MTUS2: variants seen among roughly 807,000 people sequenced by gnomAD.
MTUS2 encodes microtubule associated scaffold protein 2.
MTUS2 carries 40 observed loss-of-function variants against 114.1 expected under a neutral mutation model. That is an observed-to-expected ratio of 0.35 (90% CI 0.27 to 0.46). The LOEUF (loss-of-function observed/expected upper bound fraction) is 0.46, where lower values mean the gene tolerates loss of function less well. Ranked by LOEUF, MTUS2 falls within the 20% of genes least tolerant of loss-of-function variation. The pLI, the probability that MTUS2 is intolerant of heterozygous loss-of-function variation, is 1.00. For missense variants in MTUS2, 1,679 were observed against 1,705.4 expected, an observed-to-expected ratio of 0.98 and a Z score of 0.27; for synonymous variants, 688 against 672.0, an observed-to-expected ratio of 1.02 and a Z score of -0.37.
chr13:29,376,851 G>A (rs946482657), intron 8 of MTUS2, among the ~76,000 whole-genome samples: 8 of 152,078 alleles, frequency 5.3e-5, no homozygotes, highest in Non-Finnish European at 8.8e-5. Context: ...GACTATAAAA[G>A]CATGATCTAC....
chr13:29,379,278 G>T (rs895198785), intron 8 of MTUS2, among the ~76,000 whole-genome samples: 2 of 152,208 alleles, frequency 1.3e-5, no homozygotes, highest in African/African-American at 4.8e-5. Flanking sequence ...GAGTGGCAGA[G>T]CCAAGGCTGC....
intron 4 of MTUS2, among the ~76,000 whole-genome samples, chr13:29,089,682 A>G (rs554268135): frequency 3.3e-5 from 5 of 152,282 alleles, no homozygotes; most frequent in Admixed American, 3.3e-4. Context: ...CATGGATTCA[A>G]AGGAGCGGTG....
chr13:29,493,125 G>A lies in MTUS2; in HGVS notation c.3579+406G>A, dbSNP rs539020532. 3.3e-5 allele frequency among the ~76,000 whole-genome samples: 5 copies of A among 152,310 alleles called. No homozygotes were observed. The South Asian group carries it at 6.2e-4, about 19-fold the overall frequency. On this transcript the variant is annotated intron_variant, in intron 12 of 15. Transcript: ENST00000612955. ...TTGTGCAGGTCAGAATTCACAGAAC[G>A]TGCTCTGAGACTTATAAAAGGGGCT...
intron 8 of MTUS2, among the ~76,000 whole-genome samples, chr13:29,365,510 T>TTGGGTGTGTGTGTGTGTGTGTGTG: frequency 6.8e-6 from 1 of 146,942 alleles, no homozygotes; most frequent in African/African-American, 2.5e-5. Flanking sequence ...TTGTTTGGGT[T>TTGGGTGTGTGTGTGTGTGTGTGTG]TGTGTGTGTG....
At chr13:29,262,500 G>C (rs1271183749) in intron 5 of MTUS2, among the ~76,000 whole-genome samples, 1 of 151,794 alleles carries the variant, frequency 6.6e-6, no homozygotes, top group Non-Finnish European at 1.5e-5. Flanking sequence ...GTGTCTGGGT[G>C]GTTGAGGGAA....
chr13:29,494,076 C>T (rs1242176059), intron 12 of MTUS2, among the ~76,000 whole-genome samples: 2 of 152,208 alleles, frequency 1.3e-5, no homozygotes, highest in Non-Finnish European at 2.9e-5. Flanking sequence ...TACTAGCTTT[C>T]ACATCTTGGA....
At chr13:29,088,082 A>G (rs1182470098) in intron 4 of MTUS2, among the ~76,000 whole-genome samples, 1 of 55,878 alleles carries the variant, frequency 1.8e-5, no homozygotes, top group African/African-American at 5.1e-5. Context: ...AAAAAAAAAA[A>G]GAATTTTCTA....
intron 5 of MTUS2, among the ~76,000 whole-genome samples, chr13:29,241,629 A>G (rs1157984072): frequency 6.6e-6 from 1 of 152,084 alleles, no homozygotes; most frequent in African/African-American, 2.4e-5. Context: ...ATTTGATTGC[A>G]TTTGTTCTGT....
intron 7 of MTUS2, among the ~76,000 whole-genome samples, chr13:29,342,245 G>A (rs550505447): frequency 6.6e-6 from 1 of 152,134 alleles, no homozygotes; most frequent in African/African-American, 2.4e-5. Context: ...TTTTGGCAGT[G>A]TGGTCATTTT....
intron 2 of MTUS2, among the ~76,000 whole-genome samples, chr13:28,972,263 GGTACAA>G (rs1883891261): frequency 1.3e-5 from 2 of 152,216 alleles, no homozygotes; most frequent in Admixed American, 1.3e-4. Flanking sequence ...AGCAGTCACA[GGTACAA>G]TAACAAATGG....
At chr13:28,833,223 G>A (rs1874827761) in intron 1 of MTUS2, among the ~76,000 whole-genome samples, 1 of 152,064 alleles carries the variant, frequency 6.6e-6, no homozygotes, top group African/African-American at 2.4e-5. Flanking sequence ...CATTCTTTAA[G>A]GCCAGTAGTA....
At chr13:29,478,845 T>C (rs1880924417) in intron 9 of MTUS2, among the ~76,000 whole-genome samples, 1 of 152,114 alleles carries the variant, frequency 6.6e-6, no homozygotes, top group South Asian at 2.1e-4. Flanking sequence ...AGTGTTAGGC[T>C]GCTGGGCTGT....
At chr13:28,960,049 A>G (rs1486572949) in intron 2 of MTUS2, among the ~76,000 whole-genome samples, 1 of 152,272 alleles carries the variant, frequency 6.6e-6, no homozygotes. Flanking sequence ...ATCAATAGAT[A>G]CCGATATTGA....
chr13:29,143,782 G>A (rs1892321747), intron 5 of MTUS2, among the ~76,000 whole-genome samples: 1 of 152,114 alleles, frequency 6.6e-6, no homozygotes, highest in South Asian at 2.1e-4. Flanking sequence ...ATTCCAGAAG[G>A]AGTTAATCAA....
At chr13:29,202,831 G>C (rs1895017238) in intron 5 of MTUS2, among the ~76,000 whole-genome samples, 1 of 152,210 alleles carries the variant, frequency 6.6e-6, no homozygotes, top group African/African-American at 2.4e-5. Flanking sequence ...GGTATCACCA[G>C]CGGAGGCTGC....
intron 5 of MTUS2, among the ~76,000 whole-genome samples, chr13:29,256,331 C>T (rs1897282184): frequency 6.6e-6 from 1 of 152,196 alleles, no homozygotes; most frequent in Non-Finnish European, 1.5e-5. Context: ...GCATCTCATC[C>T]TGGGCTGGCT....
intron 2 of MTUS2, among the ~76,000 whole-genome samples, chr13:28,997,450 ACTCT>A (rs1281297681): frequency 6.6e-6 from 1 of 151,394 alleles, no homozygotes; most frequent in African/African-American, 2.4e-5. Flanking sequence ...ATCCTTGTTA[ACTCT>A]CTGTCTCGTT....
intron 5 of MTUS2, among the ~76,000 whole-genome samples, chr13:29,155,612 A>AT (rs2139054777): frequency 6.6e-6 from 1 of 152,308 alleles, no homozygotes; most frequent in South Asian, 2.1e-4. Flanking sequence ...CAGTCTGTAA[A>AT]TTATAATATC....
chr13:29,271,522 T>C (rs1259429052), intron 5 of MTUS2, among the ~76,000 whole-genome samples: 1 of 152,194 alleles, frequency 6.6e-6, no homozygotes, highest in African/African-American at 2.4e-5. Flanking sequence ...TGTTAGTACC[T>C]TCGCATATCC....
Sources: gnomAD v4.1 joint callset for allele counts (sites outside exome capture counted in the v4.1 genomes callset) on GRCh38, gnomAD v4.1.1 for gene constraint, MANE v1.5 for transcripts, NCBI Gene and HGNC (gene_info 2026-07-23, HGNC 2026-07-21) for gene names.